Variants in CILK1 observed in about 807,000 individuals in gnomAD.
CILK1 encodes the protein serine/threonine-protein kinase ICK.
CILK1 carries 47 observed loss-of-function variants against 79.2 expected under a neutral mutation model. The observed-to-expected ratio is 0.59, with a 90% CI of 0.47 to 0.76. The LOEUF (loss-of-function observed/expected upper bound fraction) is 0.76. CILK1 is among the 30% of genes least tolerant of loss of function. The pLI, the probability that CILK1 is intolerant of heterozygous loss-of-function variation, is 0.00. For missense variants in CILK1, 660 were observed against 769.5 expected (o/e 0.86, Z 1.68); for synonymous variants, 266 against 275.9 (o/e 0.96, Z 0.36).
intron 3 of CILK1, among the ~76,000 whole-genome samples, chr6:53,033,597 A>T (rs1037384465): frequency 6.6e-6 from 1 of 152,204 alleles, no homozygotes; most frequent in African/African-American, 2.4e-5. Flanking sequence ...TTGGCCAGTG[A>T]GATGAATCCT....
At chr6:53,049,868 GCAC>G (rs1406432017) in intron 1 of CILK1, among the ~76,000 whole-genome samples, 1 of 152,068 alleles carries the variant, frequency 6.6e-6, no homozygotes, top group Non-Finnish European at 1.5e-5. Context: ...CTATAGGCAT[GCAC>G]CACCAGGCCT....
chr6:53,011,909 C>T lies in CILK1; in HGVS notation c.1352G>A (p.Ser451Asn), dbSNP rs1262996124. The change falls in exon 11 of 14, where the codon AGT becomes AAT. Residue 451 changes from serine to asparagine, a missense_variant. Coordinates refer to ENST00000676107, the MANE Select transcript of CILK1 (RefSeq NM_014920.5). ...CTCAGAGGGCTTCAGGTCCAAAACA[C>T]TCTCAAACCTGAATGAAGAGAGCAT... Reference protein sequence around the residue: ...QSDDTLCRFESVLDLKPSEPV... With the variant: ...QSDDTLCRFENVLDLKPSEPV... 1 of 1,614,074 alleles carries T rather than the reference C, an allele frequency of 6.2e-7. No individual in the cohort carries two copies. Among genetic ancestry groups the T allele is most frequent in the East Asian group, 2.2e-5 (1 of 44,894 alleles).
rs542491071 is a variant in CILK1, at chr6:53,004,232, T to C, written c.*917A>G. The C allele has an allele frequency of 2.2e-4, 34 of 152,676 alleles. No individual in the cohort carries two copies. Among genetic ancestry groups the C allele is most frequent in the African/African-American group, 7.2e-4 (30 of 41,584 alleles). The allele number at this position is 152,676 out of a possible 1,614,324, so 9.5% of individuals were successfully genotyped here. Reference sequence around the variant, plus strand: ...AGGCACAAAATTCCATCTCAGTTACTATAATCAAAAACCTTCTGCTGCTTT... The same window carrying C: ...AGGCACAAAATTCCATCTCAGTTACCATAATCAAAAACCTTCTGCTGCTTT... On this transcript the variant is annotated 3_prime_UTR_variant, in exon 14 of 14. Transcript: ENST00000676107.
chr6:53,012,910 T>C (rs1169545965), intron 9 of CILK1, among the ~76,000 whole-genome samples: 2 of 152,066 alleles, frequency 1.3e-5, no homozygotes, highest in Non-Finnish European at 2.9e-5. Context: ...TGTCAGGTTA[T>C]TATTTTACTA....
intron 5 of CILK1, among the ~76,000 whole-genome samples, chr6:53,021,011 C>T (rs762751517): frequency 3.9e-5 from 6 of 152,186 alleles, no homozygotes; most frequent in Non-Finnish European, 5.9e-5. Context: ...GAGATTGTGT[C>T]GTATTTTCTA....
chr6:53,011,922 A>T lies in CILK1; in HGVS notation c.1344-5T>A, dbSNP rs748152932. The T allele has an allele frequency of 2.5e-6, 4 of 1,614,082 alleles. No individual in the cohort carries two copies. The highest frequency in any genetic ancestry group is 2.2e-5 in the East Asian group (1 of 44,898). ...AGGTCCAAAACACTCTCAAACCTGA[A>T]TGAAGAGAGCATGGCTTGGGTCAGC... On this transcript the variant is annotated splice_polypyrimidine_tract_variant and splice_region_variant and intron_variant, in intron 10 of 13. Coordinates refer to ENST00000676107, the MANE Select transcript of CILK1 (RefSeq NM_014920.5).
intron 5 of CILK1, among the ~76,000 whole-genome samples, chr6:53,028,616 T>C (rs1267833604): frequency 3.3e-5 from 5 of 152,194 alleles, no homozygotes; most frequent in African/African-American, 1.2e-4. Context: ...ACTTAATTGC[T>C]GAGGAAAAGT....
chr6:53,012,114 A>T lies in CILK1; in HGVS notation c.1266T>A (p.Asp422Glu). Residue 422 changes from aspartate to glutamate, a missense_variant, in exon 10 of 14, where the codon GAT (aspartate) becomes GAA (glutamate). Coordinates refer to ENST00000676107, the MANE Select transcript of CILK1 (RefSeq NM_014920.5). ...TGAGGGATGGACTGAAATCCAAGTC[A>T]TCCAAGTCAGCCCAATCATCTGAAT... is the stretch of plus-strand genomic sequence containing the variant. ...TKDSDDWADL[D>E]DLDFSPSLSR... 1 of 1,614,166 alleles carries T rather than the reference A, an allele frequency of 6.2e-7. No homozygotes were observed. The highest frequency in any genetic ancestry group is 8.5e-7 in the Non-Finnish European group (1 of 1,180,020).
At chr6:53,025,546 A>C (rs1765517620) in intron 5 of CILK1, among the ~76,000 whole-genome samples, 1 of 152,190 alleles carries the variant, frequency 6.6e-6, no homozygotes, top group Non-Finnish European at 1.5e-5. Context: ...GAGGACATGC[A>C]CACTAATGAA....
At chr6:53,017,505 G>C (rs866897272) in intron 7 of CILK1, among the ~76,000 whole-genome samples, 1 of 152,172 alleles carries the variant, frequency 6.6e-6, no homozygotes, top group African/African-American at 2.4e-5. Flanking sequence ...GGTATGAAGT[G>C]AGCGATAGGA....
At chr6:53,049,003 C>A (rs1767295412) in intron 1 of CILK1, among the ~76,000 whole-genome samples, 1 of 152,184 alleles carries the variant, frequency 6.6e-6, no homozygotes, top group Admixed American at 6.5e-5. Context: ...ATATTTAGGG[C>A]TGAGGCAGAG....
chr6:53,058,084 A>G (rs1238378927), intron 1 of CILK1, among the ~76,000 whole-genome samples: 1 of 152,222 alleles, frequency 6.6e-6, no homozygotes, highest in Non-Finnish European at 1.5e-5. Context: ...TTCAACTTTC[A>G]AAGCACAGAG....
chr6:53,009,453 C>G lies in CILK1; in HGVS notation c.1607G>C (p.Ser536Thr), dbSNP rs376907105. The G allele has an allele frequency of 5.0e-6, 8 of 1,614,002 alleles. No individual in the cohort carries two copies. The highest frequency in any genetic ancestry group is 1.3e-5 in the African/African-American group (1 of 74,912). The change falls in exon 12 of 14, where the codon AGC becomes ACC. Residue 536 changes from serine to threonine, a missense_variant. By Grantham distance (58) the Ser-to-Thr change is moderately conservative. Transcript: ENST00000676107. ...GKSSGTMSVI[S>T]KVNSVGSSST... ...TCATTACTCACCTGAATTTACTTTG[C>G]TGATTACTGACATTGTCCCTGAAGA...
At chr6:53,029,489 A>G (rs908068965) in intron 5 of CILK1, among the ~76,000 whole-genome samples, 1 of 152,236 alleles carries the variant, frequency 6.6e-6, no homozygotes, top group African/African-American at 2.4e-5. Context: ...ATTTGCAGAT[A>G]GCCTAGGTTT....
intron 7 of CILK1, among the ~76,000 whole-genome samples, chr6:53,017,343 A>G (rs1234510301): frequency 1.3e-5 from 2 of 152,244 alleles, no homozygotes; most frequent in Non-Finnish European, 2.9e-5. Context: ...TATTAATAAC[A>G]TAGGACACAG....
At chr6:53,043,557 C>T (rs1406459234) in intron 1 of CILK1, among the ~76,000 whole-genome samples, 1 of 152,098 alleles carries the variant, frequency 6.6e-6, no homozygotes, top group Non-Finnish European at 1.5e-5. Flanking sequence ...CATTTTCCTT[C>T]TTGAAACTCT....
Position 53,016,178 on chromosome 6 carries a change from A to C in CILK1, c.736T>G (p.Leu246Val), listed in dbSNP as rs758635533. 8 of 1,614,004 alleles carry C rather than the reference A, an allele frequency of 5.0e-6. No homozygotes were observed. Among genetic ancestry groups the C allele is most frequent in the Non-Finnish European group, 5.9e-6 (7 of 1,179,972 alleles). The change falls in exon 8 of 14, where the codon TTA (leucine) becomes GTA (valine). Residue 246 changes from leucine to valine, a missense_variant. Leu to Val is a conservative substitution (Grantham distance 32). Coordinates refer to ENST00000676107, the MANE Select transcript of CILK1 (RefSeq NM_014920.5). ...FRWPQCVPNN[L>V]KTLIPNASSE... ...CTAGCATTGGGAATCAAGGTCTTTA[A>C]GTTATTGGGTACACACTGTGGCCAA...
At chr6:53,047,916 GGTAT>G (rs151137065) in intron 1 of CILK1, among the ~76,000 whole-genome samples, 308 of 151,800 alleles carry the variant, frequency 2.0e-3, no homozygotes, top group African/African-American at 7.1e-3. Flanking sequence ...CTGAATTTGA[GGTAT>G]GTACAAAACC....
chr6:53,041,945 C>T (rs1445903055), intron 1 of CILK1, among the ~76,000 whole-genome samples: 1 of 151,902 alleles, frequency 6.6e-6, no homozygotes, highest in African/African-American at 2.4e-5. Context: ...ATTTATAGCT[C>T]ACATCCATTC....
Sources: gnomAD v4.1 joint callset for allele counts (sites outside exome capture counted in the v4.1 genomes callset) on GRCh38, gnomAD v4.1.1 for gene constraint, MANE v1.5 for transcripts, NCBI Gene and HGNC (gene_info 2026-07-23, HGNC 2026-07-21) for gene names.